The following UPF2 variants were observed in gnomAD, a reference collection of about 807,000 sequenced individuals.
UPF2 encodes UPF2 regulator of nonsense mediated mRNA decay.
In UPF2, 17 loss-of-function variants were observed where a neutral mutation model predicts 141.4. That is an observed-to-expected ratio of 0.12 (90% CI 0.08 to 0.18). The LOEUF is 0.18. Ranked by LOEUF, UPF2 falls within the 10% of genes least tolerant of loss-of-function variation. The pLI, the probability that UPF2 is intolerant of heterozygous loss-of-function variation, is 1.00. For synonymous variants in UPF2, 540 were observed against 498.0 expected, an observed-to-expected ratio of 1.08 and a Z score of -1.12; for missense variants, 1,152 against 1,515.9, an observed-to-expected ratio of 0.76 and a Z score of 3.99.
intron 4 of UPF2, among the ~76,000 whole-genome samples, chr10:12,008,289 T>G (rs1834068565): frequency 6.6e-6 from 1 of 152,086 alleles, no homozygotes. Flanking sequence ...AAAACCTGAC[T>G]TCAAATTTAA....
Position 11,992,974 on chromosome 10 carries a change from C to A in UPF2, c.1844+4698G>T, listed in dbSNP as rs1399216183. ...GACCAGCCTGGTTAATATGGTGAAA[C>A]CCCGTTTCTACTAAAACTACAAAAA... On this transcript the variant is annotated intron_variant, in intron 8 of 21. Coordinates refer to ENST00000357604, the MANE Select transcript of UPF2 (RefSeq NM_015542.4). This position sits in a 1 kb window ranked among gnomAD's most constrained non-coding sequence, Gnocchi z 4.1. Among the ~76,000 whole-genome samples the A allele has an allele frequency of 6.6e-6, 1 of 151,912 alleles. No homozygotes were observed. Among genetic ancestry groups the A allele is most frequent in the Non-Finnish European group, 1.5e-5 (1 of 67,982 alleles).
rs149085006 is a variant in UPF2 at position 11,966,873 on chromosome 10, T to C, written c.2067+468A>G. ...TGGCAACTCATATGTATGGGATGTT[T>C]CAGTTTAGGTAGAAATGTTTGTATT... On this transcript the variant is annotated intron_variant, in intron 10 of 21. Transcript: ENST00000357604. Among the ~76,000 whole-genome samples, 237 of 152,346 alleles carry C rather than the reference T, an allele frequency of 1.6e-3. 1 individual carries two copies. The highest frequency in any genetic ancestry group is 5.3e-3 in the African/African-American group (219 of 41,582).
intron 18 of UPF2, among the ~76,000 whole-genome samples, chr10:11,938,868 T>TGTTTTTTTTTTTTTG (rs1340961677): frequency 1.1e-5 from 1 of 90,822 alleles, no homozygotes; most frequent in African/African-American, 3.7e-5. Context: ...TTTTTTTTTT[T>TGTTTTTTTTTTTTTG]TTTTTTTTTT....
intron 1 of UPF2, among the ~76,000 whole-genome samples, chr10:12,039,956 A>T (rs1159781746): frequency 6.6e-6 from 1 of 152,130 alleles, no homozygotes; most frequent in East Asian, 1.9e-4. Context: ...AACATCTTAA[A>T]TTTTTCAAAG....
intron 14 of UPF2, among the ~76,000 whole-genome samples, chr10:11,954,804 C>A: frequency 6.8e-6 from 1 of 146,606 alleles, no homozygotes. Context: ...AGCAAGACCC[C>A]ATTTCTATTT....
chr10:12,011,204 G>A (rs745748588), intron 4 of UPF2, among the ~76,000 whole-genome samples: 1 of 152,104 alleles, frequency 6.6e-6, no homozygotes, highest in East Asian at 1.9e-4. Flanking sequence ...TGTTACCCAG[G>A]CTAGTCTCAA....
chr10:11,983,526 T>A (rs1474986805), intron 8 of UPF2, among the ~76,000 whole-genome samples: 1 of 151,930 alleles, frequency 6.6e-6, no homozygotes, highest in African/African-American at 2.4e-5. Flanking sequence ...GCGCGTGCTA[T>A]CATGCCCAGC....
intron 21 of UPF2, chr10:11,923,035 A>G (rs1832665731): frequency 6.6e-6 from 1 of 152,236 alleles, no homozygotes. Flanking sequence ...ACCTGTCTCA[A>G]AAACAAAATA....
chr10:12,025,826 T>C (rs772386823), intron 3 of UPF2, among the ~76,000 whole-genome samples: 40 of 152,196 alleles, frequency 2.6e-4, no homozygotes, highest in Non-Finnish European at 3.1e-4. Context: ...ACAGGGTCTC[T>C]CTCTGTCGCC....
At chr10:11,991,532 AACT>A (rs1833780001) in intron 8 of UPF2, among the ~76,000 whole-genome samples, 1 of 152,206 alleles carries the variant, frequency 6.6e-6, no homozygotes, top group South Asian at 2.1e-4. Flanking sequence ...CAACACCAAG[AACT>A]ATTTATCCTA....
At position 11,932,010 on chromosome 10, in the gene UPF2, G is replaced by A. The variant is rs111852078; in HGVS notation, c.3547-228C>T. On this transcript the variant is annotated intron_variant, in intron 19 of 21. Transcript: ENST00000357604. The stretch of plus-strand genomic sequence containing the variant: ...CTAAAAACACAAAAATTAGCTGGGT[G>A]TGGTGGCATGCACTTGTAGCCCCAG... Among the ~76,000 whole-genome samples, 22 of 152,264 alleles carry A rather than the reference G, an allele frequency of 1.4e-4. 1 individual carries two copies. The highest frequency in any genetic ancestry group is 5.3e-4 in the African/African-American group (22 of 41,550).
intron 1 of UPF2, among the ~76,000 whole-genome samples, chr10:12,038,821 T>A (rs566974024): frequency 9.9e-5 from 15 of 151,654 alleles, no homozygotes; most frequent in South Asian, 4.2e-4. Flanking sequence ...TTTTTTAATT[T>A]AAAAAAAAAC....
chr10:12,008,677 T>C (rs1236088620), intron 4 of UPF2, among the ~76,000 whole-genome samples: 1 of 149,352 alleles, frequency 6.7e-6, no homozygotes, highest in South Asian at 2.1e-4. Flanking sequence ...ATACACTTAG[T>C]GGCATGTAAA....
intron 21 of UPF2, among the ~76,000 whole-genome samples, chr10:11,926,967 G>A (rs1378638357): frequency 6.6e-6 from 1 of 152,170 alleles, no homozygotes; most frequent in Non-Finnish European, 1.5e-5. Context: ...TGCTCACGTC[G>A]ATGACAGCAC....
chr10:12,015,732 C>T (rs1454575807), intron 3 of UPF2, among the ~76,000 whole-genome samples: 1 of 152,066 alleles, frequency 6.6e-6, no homozygotes, highest in Admixed American at 6.6e-5. Context: ...AATACTATAA[C>T]AATTCAAGTA....
chr10:12,037,457 G>A (rs1834652544), intron 1 of UPF2, among the ~76,000 whole-genome samples: 1 of 144,006 alleles, frequency 6.9e-6, no homozygotes, highest in African/African-American at 2.6e-5. Flanking sequence ...GTGCAGTGGT[G>A]TGATCTCGGC....
Position 12,004,661 on chromosome 10 carries a change from A to G in UPF2, c.1373T>C (p.Ile458Thr), listed in dbSNP as rs749936808. The part of the protein sequence containing the change: ...KPGEYDLEGG[I>T]WEDEDARNFY... ...ATTCCGAGCATCTTCATCTTCCCAT[A>G]TACCACCTTCCAAGTCATATTCTCC... is the stretch of plus-strand genomic sequence containing the variant. The change falls in exon 5 of 22, where the codon ATA (isoleucine) becomes ACA (threonine). Residue 458 changes from isoleucine (I) to threonine (T), a missense_variant. Coordinates refer to ENST00000357604, the MANE Select transcript of UPF2 (RefSeq NM_015542.4). 3.1e-6 allele frequency: 5 copies of G among 1,613,890 alleles called. No individual in the cohort carries two copies. In the South Asian group the frequency reaches 4.4e-5, roughly 14 times the overall value.
At chr10:11,976,357 G>A (rs983448538) in intron 9 of UPF2, among the ~76,000 whole-genome samples, 6 of 152,196 alleles carry the variant, frequency 3.9e-5, no homozygotes, top group Admixed American at 6.5e-5. Flanking sequence ...GTATGAAGAG[G>A]AGATGCTAGA....
intron 1 of UPF2, among the ~76,000 whole-genome samples, chr10:12,039,971 G>T (rs995192175): frequency 6.6e-6 from 1 of 152,120 alleles, no homozygotes; most frequent in Admixed American, 6.6e-5. Flanking sequence ...TCAAAGAAAA[G>T]ATTAAGAAAT....
Sources: allele counts gnomAD v4.1 joint callset (sites outside exome capture counted in the v4.1 genomes callset), GRCh38; gene constraint gnomAD v4.1.1; non-coding constraint Gnocchi (gnomAD v3.1); transcripts MANE v1.5; gene names NCBI Gene and HGNC (gene_info 2026-07-23, HGNC 2026-07-21).